CCNY: variants seen among roughly 807,000 people sequenced by gnomAD.
CCNY encodes the protein cyclin-Y.
Under a neutral mutation model 42.8 loss-of-function variants are expected in CCNY, and 19 were observed. The ratio of observed to expected loss-of-function variants is 0.44; its 90% CI spans 0.31 to 0.65. CCNY has a LOEUF of 0.65. CCNY is among the 30% of genes least tolerant of loss of function. CCNY has a pLI of 0.07. For synonymous variants in CCNY, 165 were observed against 162.7 expected (o/e 1.01, Z -0.11); for missense variants, 370 against 437.3 (o/e 0.85, Z 1.37).
At chr10:35,500,231 G>A (rs1237403623) in intron 2 of CCNY, among the ~76,000 whole-genome samples, 1 of 152,244 alleles carries the variant, frequency 6.6e-6, no homozygotes, top group East Asian at 1.9e-4. Flanking sequence ...TGCCTTCTAT[G>A]TGTCAGTCTC....
chr10:35,272,572 T>C (rs1835184109), intron 3 of CCNY, among the ~76,000 whole-genome samples: 1 of 152,222 alleles, frequency 6.6e-6, no homozygotes, highest in Non-Finnish European at 1.5e-5. Flanking sequence ...CCTTCAGCTG[T>C]ATCTGTGTTC....
upstream of CCNY, among the ~76,000 whole-genome samples, chr10:35,332,805 T>C (rs957016612): frequency 6.6e-6 from 1 of 152,100 alleles, no homozygotes; most frequent in African/African-American, 2.4e-5. Flanking sequence ...AGGGTTTCAC[T>C]GTGTTAGCCA....
At chr10:35,516,981 G>T (rs1373313158) in intron 4 of CCNY, among the ~76,000 whole-genome samples, 1 of 151,596 alleles carries the variant, frequency 6.6e-6, no homozygotes, top group Non-Finnish European at 1.5e-5. Flanking sequence ...AGCCATCCTG[G>T]CATAACTCCA....
intron 3 of CCNY, among the ~76,000 whole-genome samples, chr10:35,306,573 T>C (rs924610079): frequency 6.6e-6 from 1 of 152,108 alleles, no homozygotes. Flanking sequence ...TTGTGGGTCA[T>C]TTAGCATGAA....
Position 35,570,127 on chromosome 10 carries a change from C to T in CCNY, c.*957C>T, listed in dbSNP as rs1841657972. 6.5e-6 allele frequency: 1 copy of T among 152,722 alleles called. No individual in the cohort carries two copies. The highest frequency in any genetic ancestry group is 1.5e-5 in the Non-Finnish European group (1 of 68,048). 9.5% of individuals were successfully genotyped at this position (152,722 alleles called of 1,614,324 possible). ...CCCTGCCTAATCCATTCCTCTCCTT[C>T]CAAGTCCATTGTTGCAAGCAATATT... On this transcript the variant is annotated 3_prime_UTR_variant, in exon 10 of 10. Transcript: ENST00000374704.
chr10:35,490,242 T>G (rs899665172), intron 2 of CCNY, among the ~76,000 whole-genome samples: 6 of 152,262 alleles, frequency 3.9e-5, no homozygotes, highest in Non-Finnish European at 5.9e-5. Flanking sequence ...ATGACTTTGT[T>G]GGCAAAGCCA....
At chr10:35,465,938 A>AGAGAGAGAGAGAGAGAGAGG in intron 1 of CCNY, among the ~76,000 whole-genome samples, 1 of 80,960 alleles carries the variant, frequency 1.2e-5, no homozygotes, top group Non-Finnish European at 2.6e-5. Flanking sequence ...AGAGAGAGAG[A>AGAGAGAGAGAGAGAGAGAGG]GTGTGTGTGT....
intron 1 of CCNY, among the ~76,000 whole-genome samples, chr10:35,388,927 G>A (rs1002752307): frequency 1.1e-4 from 16 of 152,164 alleles, no homozygotes; most frequent in Non-Finnish European, 1.9e-4. Flanking sequence ...TGTCTGGAGT[G>A]TACTTCTGTC....
chr10:35,464,330 C>T (rs1451786626), intron 1 of CCNY, among the ~76,000 whole-genome samples: 1 of 152,212 alleles, frequency 6.6e-6, no homozygotes, highest in African/African-American at 2.4e-5. Context: ...CTTTTTCCAA[C>T]CCCTTTCCCA....
At chr10:35,443,954 C>CA (rs1405751582) in intron 1 of CCNY, among the ~76,000 whole-genome samples, 1 of 148,218 alleles carries the variant, frequency 6.7e-6, no homozygotes, top group Non-Finnish European at 1.5e-5. Flanking sequence ...GGAAACTGGA[C>CA]ACAGCCATAG....
chr10:35,482,323 A>G lies in CCNY; in HGVS notation c.155-1081A>G, dbSNP rs578187995. 8.3e-4 allele frequency among the ~76,000 whole-genome samples: 126 copies of G among 152,294 alleles called. 1 individual carries two copies. The highest frequency in any genetic ancestry group is 6.8e-3 in the Middle Eastern group (2 of 294). ...ATTTATTGAAATAATTGAACCCAAG[A>G]AGTTTTATTCTGACTCTCTAAGTTG... On this transcript the variant is annotated intron_variant, in intron 1 of 9. Transcript: ENST00000374704.
At chr10:35,553,277 G>T in intron 8 of CCNY, 92 bp downstream of exon 8, 1 of 1,260,864 alleles carries the variant, frequency 7.9e-7, no homozygotes, top group Non-Finnish European at 1.1e-6. Context: ...TCTGTATAGC[G>T]CAGAATGCAT....
intron 4 of CCNY, among the ~76,000 whole-genome samples, chr10:35,520,851 C>T (rs1840532428): frequency 6.6e-6 from 1 of 152,174 alleles, no homozygotes; most frequent in African/African-American, 2.4e-5. Flanking sequence ...GCCTCTGCAG[C>T]CAACCCCTCC....
At chr10:35,417,817 C>T (rs1838058776) in intron 1 of CCNY, among the ~76,000 whole-genome samples, 1 of 152,216 alleles carries the variant, frequency 6.6e-6, no homozygotes, top group African/African-American at 2.4e-5. Context: ...TTAGGGGTCT[C>T]TAATCCTGTC....
chr10:35,557,119 A>G (rs1302600730), intron 8 of CCNY, among the ~76,000 whole-genome samples: 1 of 152,104 alleles, frequency 6.6e-6, no homozygotes, highest in Non-Finnish European at 1.5e-5. Context: ...GAAAATTTTT[A>G]TCCCAAGTTT....
rs1389374898 is a variant in CCNY, at chr10:35,569,579, T to C, written c.*409T>C. 1.5e-5 allele frequency: 3 copies of C among 196,632 alleles called. No individual in the cohort carries two copies. The highest frequency in any genetic ancestry group is 3.2e-5 in the Non-Finnish European group (3 of 94,402). The allele number at this position is 196,632 out of a possible 1,614,324, so 12.2% of individuals were successfully genotyped here. A position where few individuals can be genotyped will look rare whatever the true frequency, so the allele number is the denominator to read the frequency against. ...CCCAGGGCTGGGCCAGTGTGTCCTG[T>C]AAGACTTCTTGCATTCCTTCTGCTG... On this transcript the variant is annotated 3_prime_UTR_variant, in exon 10 of 10. Transcript: ENST00000374704.
chr10:35,348,128 A>G (rs552573879), intron 1 of CCNY, among the ~76,000 whole-genome samples: 1 of 152,270 alleles, frequency 6.6e-6, no homozygotes, highest in East Asian at 1.9e-4. Context: ...TTGCTTGCAA[A>G]GTGATGATAA....
At chr10:35,519,752 A>G (rs1840505612) in intron 4 of CCNY, among the ~76,000 whole-genome samples, 1 of 148,656 alleles carries the variant, frequency 6.7e-6, no homozygotes, top group South Asian at 2.1e-4. Context: ...TGCTTTAAAA[A>G]GTATCTTCTT....
At chr10:35,514,075 CAAAAA>C (rs11451104) in intron 3 of CCNY, among the ~76,000 whole-genome samples, 2 of 76,182 alleles carry the variant, frequency 2.6e-5, no homozygotes, top group Admixed American at 1.7e-4. Context: ...AGGACCAGTT[CAAAAA>C]AAAAAAAAAA....
Sources: allele counts gnomAD v4.1 joint callset (sites outside exome capture counted in the v4.1 genomes callset), GRCh38; gene constraint gnomAD v4.1.1; transcripts MANE v1.5; gene names NCBI Gene and HGNC (gene_info 2026-07-23, HGNC 2026-07-21).